The following MYO16 variants were observed in gnomAD, a reference collection of about 807,000 sequenced individuals.
MYO16 encodes the protein unconventional myosin-XVI.
In MYO16, 94 loss-of-function variants were observed where a neutral mutation model predicts 205.3. That is an observed-to-expected ratio of 0.46 (90% CI 0.39 to 0.54). The LOEUF is 0.54. Among genes scored for constraint, MYO16 ranks in the 20% least tolerant of loss-of-function variants. MYO16 has a pLI of 0.00. For synonymous variants in MYO16, 988 were observed against 954.0 expected (o/e 1.04, Z -0.66); for missense variants, 2,315 against 2,387.5 (o/e 0.97, Z 0.63).
In MYO16 at chr13:109,141,436, G is replaced by A; in HGVS notation, c.5164+60G>A. 1 of 1,110,366 alleles carries A rather than the reference G, an allele frequency of 9.0e-7. No individual in the cohort carries two copies. Among genetic ancestry groups the A allele is most frequent in the South Asian group, 1.8e-5 (1 of 54,656 alleles). The allele number at this position is 1,110,366 out of a possible 1,614,324, so 68.8% of individuals were successfully genotyped here. On this transcript the variant is annotated intron_variant, in intron 32 of 34. Coordinates refer to ENST00000457511, the MANE Select transcript of MYO16 (RefSeq NM_001198950.3). The surrounding 1 kb of genome is among the most constrained non-coding windows in gnomAD (Gnocchi z 4.1). ...ATGGACGCTGTGCTTGCGTGCACCT[G>A]TGTACATCCGTGTCTGCGCAGATGT...
At chr13:108,697,086 A>G (rs768285369) in intron 2 of MYO16, among the ~76,000 whole-genome samples, 12 of 152,284 alleles carry the variant, frequency 7.9e-5, no homozygotes, top group Non-Finnish European at 8.8e-5. Flanking sequence ...TTTCAGTTTT[A>G]AAATGAATTT....
chr13:108,719,967 C>T (rs1163395516), intron 3 of MYO16, among the ~76,000 whole-genome samples: 1 of 152,090 alleles, frequency 6.6e-6, no homozygotes, highest in Non-Finnish European at 1.5e-5. Flanking sequence ...TACATTCACC[C>T]AAAAGGATAA....
chr13:108,710,649 T>G (rs1883684613), intron 2 of MYO16, among the ~76,000 whole-genome samples: 1 of 152,192 alleles, frequency 6.6e-6, no homozygotes, highest in Non-Finnish European at 1.5e-5. Context: ...AACTGAGACA[T>G]AAAGTTCAGT....
intron 1 of MYO16, among the ~76,000 whole-genome samples, chr13:108,647,242 A>AT (rs1169502613): frequency 4.6e-5 from 7 of 151,728 alleles, no homozygotes; most frequent in Middle Eastern, 3.4e-3. Context: ...CCGGCATTGC[A>AT]TTTTTTTTGT....
chr13:108,580,571 T>G, the MYO16 span, among the ~76,000 whole-genome samples: 3 of 152,232 alleles, frequency 2.0e-5, no homozygotes, highest in Non-Finnish European at 4.4e-5. Context: ...TTGTTCCTAG[T>G]AACAACTCTG....
At chr13:108,635,973 T>C (rs962648316) in intron 1 of MYO16, among the ~76,000 whole-genome samples, 1 of 152,192 alleles carries the variant, frequency 6.6e-6, no homozygotes, top group Admixed American at 6.5e-5. Context: ...AATCTAAACT[T>C]TCATTTTTGT....
chr13:108,967,907 G>C (rs60662146), intron 20 of MYO16, among the ~76,000 whole-genome samples: 28,640 of 152,108 alleles, frequency 0.19, 4,505 homozygotes, highest in African/African-American at 0.43. Flanking sequence ...TGCCCTTCCT[G>C]TGGAGAAACT....
intron 16 of MYO16, among the ~76,000 whole-genome samples, chr13:108,936,127 TC>T (rs1882473295): frequency 1.3e-5 from 2 of 150,496 alleles, no homozygotes; most frequent in Non-Finnish European, 3.0e-5. Context: ...CTTCCTTCCT[TC>T]CTTCCTTCCT....
Position 108,740,035 on chromosome 13 carries a change from G to A in MYO16, c.507+12452G>A, listed in dbSNP as rs530880034. ...CACTGGTTATTCTAGTTAGCCATTC[G>A]TCTAATCTTTTTTAGAGGTTTTTAG... On this transcript the variant is annotated intron_variant, in intron 4 of 34. Transcript: ENST00000457511. Among the ~76,000 whole-genome samples, 26 of 152,212 alleles carry A rather than the reference G, an allele frequency of 1.7e-4. No individual in the cohort carries two copies. In the East Asian group the frequency reaches 1.9e-3, roughly 11 times the overall value.
intron 8 of MYO16, among the ~76,000 whole-genome samples, chr13:108,822,446 A>G (rs1876029716): frequency 6.6e-6 from 1 of 152,126 alleles, no homozygotes; most frequent in Non-Finnish European, 1.5e-5. Context: ...GTAGGTTCTT[A>G]ATTGATATGA....
At chr13:108,856,323 G>GT (rs201535958) in intron 11 of MYO16, among the ~76,000 whole-genome samples, 6 of 151,788 alleles carry the variant, frequency 4.0e-5, no homozygotes, top group Non-Finnish European at 5.9e-5. Context: ...GATAACACTT[G>GT]TTTTTTTTCT....
At chr13:108,649,164 T>G (rs1880888086) in intron 1 of MYO16, among the ~76,000 whole-genome samples, 1 of 152,076 alleles carries the variant, frequency 6.6e-6, no homozygotes, top group African/African-American at 2.4e-5. Flanking sequence ...ATATGGCGCA[T>G]GGATACGTAT....
chr13:109,060,505 G>C (rs1168481709), intron 27 of MYO16, among the ~76,000 whole-genome samples: 1 of 152,054 alleles, frequency 6.6e-6, no homozygotes, highest in Admixed American at 6.6e-5. Context: ...GCAAGGGGAC[G>C]GAGACCATTA....
chr13:108,714,142 C>T (rs951158962), intron 3 of MYO16, among the ~76,000 whole-genome samples: 2 of 152,228 alleles, frequency 1.3e-5, no homozygotes, highest in East Asian at 1.9e-4. Context: ...CTGCAAGCTC[C>T]GTCTCCTGGT....
rs979060847 is a variant in MYO16 at position 109,004,221 on chromosome 13, C to A, written c.2443-4676C>A. On this transcript the variant is annotated intron_variant, in intron 21 of 34. Coordinates refer to ENST00000457511, the MANE Select transcript of MYO16 (RefSeq NM_001198950.3). ...TATTTGTGTTAATTTTTAAATGATT[C>A]AATGTATTTTTAATAATAAAAAACT... Among the ~76,000 whole-genome samples the A allele has an allele frequency of 3.3e-5, 5 of 151,926 alleles. No individual in the cohort carries two copies. The South Asian group carries it at 1.0e-3, about 32-fold the overall frequency.
At chr13:108,628,454 A>G (rs912251287), upstream of MYO16, among the ~76,000 whole-genome samples, 3 of 152,202 alleles carry the variant, frequency 2.0e-5, no homozygotes, top group Non-Finnish European at 2.9e-5. Context: ...AACCTTCAGA[A>G]TAAAGATTAG....
At chr13:108,866,801 T>C (rs1301404484) in intron 12 of MYO16, among the ~76,000 whole-genome samples, 1 of 152,136 alleles carries the variant, frequency 6.6e-6, no homozygotes, top group Non-Finnish European at 1.5e-5. Flanking sequence ...CTATTTTTTG[T>C]GTAACAACAA....
chr13:109,187,917 AT>A (rs1470997182), intron 34 of MYO16, among the ~76,000 whole-genome samples: 2 of 151,890 alleles, frequency 1.3e-5, no homozygotes, highest in African/African-American at 4.8e-5. Flanking sequence ...TTCTGTGTTC[AT>A]TTTTCATCTA....
chr13:109,141,412 T>C lies in MYO16; in HGVS notation c.5164+36T>C. 7.5e-7 allele frequency: 1 copy of C among 1,327,174 alleles called. No homozygotes were observed. The highest frequency in any genetic ancestry group is 1.5e-5 in the African/African-American group (1 of 65,892). The allele number at this position is 1,327,174 out of a possible 1,614,324, so 82.2% of individuals were successfully genotyped here. On this transcript the variant is annotated intron_variant, in intron 32 of 34. Transcript: ENST00000457511. This position sits in a 1 kb window ranked among gnomAD's most constrained non-coding sequence, Gnocchi z 4.1. ...CAGACATCCCCCCACTCCTTTTGCATGGACGCTGTGCTTGCGTGCACCTGT... is the reference window on the plus strand; with the variant it reads ...CAGACATCCCCCCACTCCTTTTGCACGGACGCTGTGCTTGCGTGCACCTGT...
Sources: gnomAD v4.1 joint callset for allele counts (sites outside exome capture counted in the v4.1 genomes callset) on GRCh38, gnomAD v4.1.1 for gene constraint, Gnocchi (gnomAD v3.1) non-coding constraint, MANE v1.5 for transcripts, NCBI Gene and HGNC (gene_info 2026-07-23, HGNC 2026-07-21) for gene names.